The following ZUP1 variants were observed in gnomAD, a reference collection of about 807,000 sequenced individuals.
The protein encoded by ZUP1 is zinc finger containing ubiquitin peptidase 1, also known as zinc finger-containing ubiquitin peptidase 1.
Under a neutral mutation model 68.1 loss-of-function variants are expected in ZUP1, and 55 were observed. The ratio of observed to expected loss-of-function variants is 0.81; its 90% CI spans 0.65 to 1.01. ZUP1 has a LOEUF of 1.01. ZUP1 is among the 50% of genes least tolerant of loss of function. ZUP1 has a pLI of 0.00. For synonymous variants in ZUP1, 223 were observed against 221.5 expected (o/e 1.01, Z -0.06); for missense variants, 684 against 674.9 (o/e 1.01, Z -0.15).
intron 2 of ZUP1, among the ~76,000 whole-genome samples, chr6:116,664,134 G>GA (rs1583380604): frequency 2.0e-5 from 3 of 151,946 alleles, no homozygotes; most frequent in African/African-American, 4.8e-5. Context: ...AATGTGCAAT[G>GA]AAAAAACAAC....
At chr6:116,659,237 C>G (rs1040346185) in intron 3 of ZUP1, among the ~76,000 whole-genome samples, 1 of 152,150 alleles carries the variant, frequency 6.6e-6, no homozygotes, top group Non-Finnish European at 1.5e-5. Flanking sequence ...TCAAGTGATT[C>G]TCCTGCTGCA....
intron 7 of ZUP1, among the ~76,000 whole-genome samples, chr6:116,648,933 G>A (rs1003681917): frequency 2.6e-5 from 4 of 150,990 alleles, no homozygotes; most frequent in African/African-American, 9.8e-5. Flanking sequence ...TCGCGCCACT[G>A]CACTCTGGTC....
chr6:116,660,930 C>CAAA, intron 2 of ZUP1, 84 bp from the exon 3 acceptor site: 2 of 733,850 alleles, frequency 2.7e-6, no homozygotes, highest in Non-Finnish European at 4.3e-6. Context: ...GACAGGGTCT[C>CAAA]ACTCTGTTGC....
At chr6:116,664,997 C>T (rs1295938745) in intron 2 of ZUP1, among the ~76,000 whole-genome samples, 3 of 151,734 alleles carry the variant, frequency 2.0e-5, no homozygotes, top group Non-Finnish European at 2.9e-5. Flanking sequence ...GTAAAGAATA[C>T]TTTTTTAGAC....
rs1328874358 is a variant in ZUP1, at chr6:116,644,456, T to C, written c.1689+1258A>G. ...AACCAACCCAAATGTCCAACAGTGATAGACTGGATTAAGAAAATGTGGCAC... is the reference window on the plus strand; with the variant it reads ...AACCAACCCAAATGTCCAACAGTGACAGACTGGATTAAGAAAATGTGGCAC... On this transcript the variant is annotated intron_variant, in intron 9 of 9. Coordinates refer to ENST00000368576, the MANE Select transcript of ZUP1 (RefSeq NM_145062.3). Among the ~76,000 whole-genome samples the C allele has an allele frequency of 3.3e-5, 5 of 152,168 alleles. 1 individual carries two copies. Among genetic ancestry groups the C allele is most frequent in the Admixed American group, 2.6e-4 (4 of 15,274 alleles).
rs778954955 is a variant in ZUP1, at chr6:116,660,743, A to T, written c.663T>A (p.Phe221Leu). The change falls in exon 3 of 10, where the codon TTT becomes TTA. Residue 221 changes from phenylalanine (F) to leucine (L), a missense_variant. Transcript: ENST00000368576. ...HVDLHLEENSFQQGMDRVQCS... is the reference protein window; with the variant it reads ...HVDLHLEENSLQQGMDRVQCS... ...TCAAACATATAAACATACCTTGCTG[A>T]AAGCTGTTTTCTTCCAAATGCAAGT... 9 of 1,582,514 alleles carry T rather than the reference A, an allele frequency of 5.7e-6. No individual in the cohort carries two copies. Among genetic ancestry groups the T allele is most frequent in the Non-Finnish European group, 7.8e-6 (9 of 1,156,108 alleles).
intron 9 of ZUP1, among the ~76,000 whole-genome samples, chr6:116,642,988 G>C (rs577078955): frequency 2.7e-4 from 41 of 152,216 alleles, no homozygotes; most frequent in African/African-American, 9.6e-4. Flanking sequence ...CTTCAGCAAA[G>C]TCTCAGGATA....
At chr6:116,666,512 A>T (rs1218059643) in intron 2 of ZUP1, 122 bp downstream of exon 2, 1 of 664,036 alleles carries the variant, frequency 1.5e-6, no homozygotes, top group Non-Finnish European at 2.3e-6. Flanking sequence ...GAAAAATGTT[A>T]TAGACATAAA....
intron 9 of ZUP1, among the ~76,000 whole-genome samples, chr6:116,639,383 T>C (rs1049992860): frequency 3.9e-5 from 6 of 152,198 alleles, no homozygotes; most frequent in African/African-American, 1.4e-4. Flanking sequence ...GCAGACTGCC[T>C]CCTCAAGTGG....
intron 9 of ZUP1, among the ~76,000 whole-genome samples, chr6:116,639,263 A>G (rs1001171109): frequency 3.3e-5 from 5 of 152,262 alleles, no homozygotes; most frequent in African/African-American, 1.2e-4. Flanking sequence ...GGGGCAGGGC[A>G]CAGACAAACA....
In ZUP1 at chr6:116,647,541, T is replaced by C. The variant is rs1233835715; in HGVS notation, c.1386A>G (p.Ile462Met). 1 of 1,602,606 alleles carries C rather than the reference T, an allele frequency of 6.2e-7. No individual in the cohort carries two copies. The highest frequency in any genetic ancestry group is 8.5e-7 in the Non-Finnish European group (1 of 1,172,030). Residue 462 changes from isoleucine (I) to methionine (M), a missense_variant, in exon 8 of 10, where the codon ATA (isoleucine) becomes ATG (methionine). Coordinates refer to ENST00000368576, the MANE Select transcript of ZUP1 (RefSeq NM_145062.3). ...CTCCCTCTGAAGAATAATAGTTCAA[T>C]ATCCATTCAAATAAGCGAGGGTGTG... ...LGTHPRLFEW[I>M]LNYYSSEGEG...
At chr6:116,648,970 G>C (rs1345027600) in intron 7 of ZUP1, among the ~76,000 whole-genome samples, 3 of 145,702 alleles carry the variant, frequency 2.1e-5, no homozygotes, top group African/African-American at 7.6e-5. Context: ...GACAGACTCT[G>C]TCTCAAAAAA....
chr6:116,665,231 CA>C (rs1266752813), intron 2 of ZUP1, among the ~76,000 whole-genome samples: 1 of 151,680 alleles, frequency 6.6e-6, no homozygotes, highest in African/African-American at 2.4e-5. Flanking sequence ...AATAACTATA[CA>C]AAAAAAGATT....
rs758477860 is a variant in ZUP1, at chr6:116,660,748, T to C, written c.658A>G (p.Ser220Gly). 4 of 1,591,812 alleles carry C rather than the reference T, an allele frequency of 2.5e-6. No homozygotes were observed. Among genetic ancestry groups the C allele is most frequent in the Admixed American group, 3.4e-5 (2 of 58,502 alleles). ...EHVDLHLEEN[S>G]FQQGMDRVQC... Reference sequence around the variant, plus strand: ...CATATAAACATACCTTGCTGAAAGCTGTTTTCTTCCAAATGCAAGTCAACA... The same window carrying C: ...CATATAAACATACCTTGCTGAAAGCCGTTTTCTTCCAAATGCAAGTCAACA... Residue 220 changes from serine to glycine, a missense_variant, in exon 3 of 10, where the codon AGC (serine) becomes GGC (glycine). Physicochemically the swap from Ser to Gly is moderately conservative, Grantham distance 56. Coordinates refer to ENST00000368576, the MANE Select transcript of ZUP1 (RefSeq NM_145062.3).
chr6:116,658,959 CTG>C (rs777106586), intron 3 of ZUP1, 35 bp from the exon 4 acceptor site: 5 of 1,535,494 alleles, frequency 3.3e-6, no homozygotes, highest in Non-Finnish European at 4.4e-6. Flanking sequence ...AATAAAATAA[CTG>C]TTGCAATCAA....
intron 9 of ZUP1, among the ~76,000 whole-genome samples, chr6:116,638,128 C>T (rs1445139570): frequency 6.6e-6 from 1 of 150,412 alleles, no homozygotes; most frequent in East Asian, 1.9e-4. Context: ...AAAGATTATT[C>T]TAGCTCTATT....
intron 2 of ZUP1, among the ~76,000 whole-genome samples, chr6:116,665,128 ACT>A (rs1776961398): frequency 6.6e-6 from 1 of 152,204 alleles, no homozygotes; most frequent in Non-Finnish European, 1.5e-5. Flanking sequence ...ACTGAAAAAA[ACT>A]CAAAAAATAT....
intron 1 of ZUP1, among the ~76,000 whole-genome samples, chr6:116,668,116 A>G (rs1777064671): frequency 6.6e-6 from 1 of 152,234 alleles, no homozygotes; most frequent in South Asian, 2.1e-4. Flanking sequence ...AAAAGTAATG[A>G]CACTATCACT....
Position 116,666,897 on chromosome 6 carries a change from T to C in ZUP1, c.296A>G (p.His99Arg). 1 of 1,611,504 alleles carries C rather than the reference T, an allele frequency of 6.2e-7. No homozygotes were observed. Among genetic ancestry groups the C allele is most frequent in the African/African-American group, 1.3e-5 (1 of 74,808 alleles). Residue 99 changes from histidine to arginine, a missense_variant, in exon 2 of 10, where the codon CAT becomes CGT. His to Arg is a conservative substitution (Grantham distance 29). Transcript: ENST00000368576. Reference protein sequence around the residue: ...SSILSGCASNHPKNSAQNLTK... With the variant: ...SSILSGCASNRPKNSAQNLTK... ...CAGGTTTTGAGCTGAATTTTTTGGA[T>C]GATTAGATGCACAACCTGAAAGAAT...
Sources: allele counts gnomAD v4.1 joint callset (sites outside exome capture counted in the v4.1 genomes callset), GRCh38; gene constraint gnomAD v4.1.1; transcripts MANE v1.5; gene names NCBI Gene and HGNC (gene_info 2026-07-23, HGNC 2026-07-21).